Variants in FUT9 observed in about 807,000 individuals in gnomAD.
FUT9 encodes the protein fucosyltransferase 9.
In FUT9, 15 loss-of-function variants were observed where a neutral mutation model predicts 29.7. That is an observed-to-expected ratio of 0.51 (90% CI 0.34 to 0.78). The LOEUF is 0.78. Ranked by LOEUF, FUT9 falls within the 30% of genes least tolerant of loss-of-function variation. The pLI is 0.01. For missense variants in FUT9, 319 were observed against 425.4 expected (o/e 0.75, Z 2.20); for synonymous variants, 169 against 153.7 (o/e 1.10, Z -0.74).
chr6:96,197,890 T>C (rs9404415), intron 2 of FUT9, among the ~76,000 whole-genome samples: 138,877 of 152,158 alleles, frequency 0.91, 64,731 homozygotes, highest in Non-Finnish European at 1. Context: ...CATGCTCCTG[T>C]TTCTTTCCAT....
At chr6:96,028,879 C>A (rs1770213053) in intron 1 of FUT9, among the ~76,000 whole-genome samples, 1 of 151,498 alleles carries the variant, frequency 6.6e-6, no homozygotes, top group Admixed American at 6.6e-5. Context: ...AATAATTATT[C>A]AGTCACAGTG....
chr6:96,158,196 C>T (rs1192628781), intron 2 of FUT9, among the ~76,000 whole-genome samples: 1 of 152,002 alleles, frequency 6.6e-6, no homozygotes, highest in African/African-American at 2.4e-5. Flanking sequence ...GGGACACACT[C>T]TCAAAGACTC....
intron 2 of FUT9, among the ~76,000 whole-genome samples, chr6:96,120,221 T>C (rs1308863853): frequency 6.6e-6 from 1 of 151,618 alleles, no homozygotes; most frequent in Non-Finnish European, 1.5e-5. Context: ...TTTAAAAGAC[T>C]ATTCAGAAGA....
intron 2 of FUT9, among the ~76,000 whole-genome samples, chr6:96,129,279 A>C (rs1433449978): frequency 7.8e-4 from 33 of 42,086 alleles, no homozygotes; most frequent in African/African-American, 1.5e-3. Flanking sequence ...AAAAAAAAAA[A>C]AAAAAAAAAA....
At chr6:96,071,447 ATATAATAAC>A (rs1260662591) in intron 1 of FUT9, among the ~76,000 whole-genome samples, 16 of 152,234 alleles carry the variant, frequency 1.1e-4, no homozygotes, top group African/African-American at 3.9e-4. Flanking sequence ...ATTTGCCCAG[ATATAATAAC>A]TATTAATTTT....
At position 96,032,125 on chromosome 6, in the gene FUT9, TA is replaced by T. The variant is rs922336081; in HGVS notation, c.-98+15921del. Among the ~76,000 whole-genome samples, 33 of 151,608 alleles carry T rather than the reference TA, an allele frequency of 2.2e-4. 1 individual carries two copies. Among genetic ancestry groups the T allele is most frequent in the African/African-American group, 7.2e-4 (30 of 41,446 alleles). ...ATTGTTACATTTAAAATAGGACTTT[TA>T]AAAAAAATCCAGTTTATTACATAAT... On this transcript the variant is annotated intron_variant, in intron 1 of 2. Coordinates refer to ENST00000302103, the MANE Select transcript of FUT9 (RefSeq NM_006581.4).
intron 2 of FUT9, among the ~76,000 whole-genome samples, chr6:96,135,640 T>G (rs1772334645): frequency 1.3e-5 from 2 of 151,692 alleles, no homozygotes; most frequent in African/African-American, 4.8e-5. Context: ...AAAAAAAAGG[T>G]ACCGGGGGAG....
intron 2 of FUT9, among the ~76,000 whole-genome samples, chr6:96,186,130 T>C (rs1461923019): frequency 1.3e-5 from 2 of 152,292 alleles, no homozygotes; most frequent in South Asian, 2.1e-4. Flanking sequence ...TGCCTTTTTT[T>C]CTAAAAATCT....
intron 1 of FUT9, among the ~76,000 whole-genome samples, chr6:96,019,471 T>C (rs1770033564): frequency 6.6e-6 from 1 of 152,086 alleles, no homozygotes; most frequent in African/African-American, 2.4e-5. Context: ...ATTACACTTG[T>C]AAGTATCAAA....
At chr6:96,079,268 C>T (rs1339527615) in intron 1 of FUT9, among the ~76,000 whole-genome samples, 1 of 152,190 alleles carries the variant, frequency 6.6e-6, no homozygotes, top group African/African-American at 2.4e-5. Context: ...ACACTCAGTG[C>T]CTTCAAATAC....
At chr6:96,024,147 T>A (rs767166374) in intron 1 of FUT9, among the ~76,000 whole-genome samples, 3 of 151,872 alleles carry the variant, frequency 2.0e-5, no homozygotes, top group Non-Finnish European at 2.9e-5. Context: ...AATCAGACAA[T>A]CTTTTCTTTC....
intron 2 of FUT9, among the ~76,000 whole-genome samples, chr6:96,128,482 G>A (rs974751063): frequency 3.3e-5 from 5 of 152,078 alleles, no homozygotes; most frequent in African/African-American, 4.8e-5. Context: ...AACATTCATC[G>A]TTATTAAGTG....
At chr6:96,142,230 C>T (rs1562140498) in intron 2 of FUT9, among the ~76,000 whole-genome samples, 1 of 152,160 alleles carries the variant, frequency 6.6e-6, no homozygotes, top group Non-Finnish European at 1.5e-5. Flanking sequence ...ATCAGTACAG[C>T]TGCTTTTTGT....
intron 1 of FUT9, among the ~76,000 whole-genome samples, chr6:96,105,717 GT>G (rs1375179806): frequency 1.3e-5 from 2 of 152,028 alleles, no homozygotes; most frequent in South Asian, 2.1e-4. Flanking sequence ...AGTTTCTATA[GT>G]TTTTTTATTC....
At chr6:96,055,069 C>T (rs9498880) in intron 1 of FUT9, among the ~76,000 whole-genome samples, 82,924 of 151,898 alleles carry the variant, frequency 0.55, 22,745 homozygotes, top group South Asian at 0.63. Context: ...AGGAAAAATA[C>T]GAAGATATTG....
intron 2 of FUT9, among the ~76,000 whole-genome samples, chr6:96,184,365 A>C (rs1773366216): frequency 6.6e-6 from 1 of 152,002 alleles, no homozygotes; most frequent in Non-Finnish European, 1.5e-5. Context: ...CTAATGGTCT[A>C]TCAATTTTAT....
chr6:96,141,434 A>C (rs2127973291), intron 2 of FUT9, among the ~76,000 whole-genome samples: 1 of 152,260 alleles, frequency 6.6e-6, no homozygotes, highest in South Asian at 2.1e-4. Context: ...AAGTCCTGTA[A>C]AAAAGACTCT....
chr6:96,022,588 T>C (rs1341969256), intron 1 of FUT9, among the ~76,000 whole-genome samples: 2 of 151,928 alleles, frequency 1.3e-5, no homozygotes, highest in African/African-American at 4.8e-5. Context: ...GAGAGTTAAA[T>C]TTAAGGCACT....
intron 1 of FUT9, among the ~76,000 whole-genome samples, chr6:96,035,904 TATA>T (rs1313599201): frequency 1.1e-5 from 1 of 92,042 alleles, no homozygotes. Context: ...ATTAATATAA[TATA>T]ATACATTATG....
Sources: gnomAD v4.1 joint callset for allele counts (sites outside exome capture counted in the v4.1 genomes callset) on GRCh38, gnomAD v4.1.1 for gene constraint, MANE v1.5 for transcripts, NCBI Gene and HGNC (gene_info 2026-07-23, HGNC 2026-07-21) for gene names.